The following PRKCZ variants were observed in gnomAD, a reference collection of about 807,000 sequenced individuals.
PRKCZ encodes the protein protein kinase C zeta type.
PRKCZ carries 33 observed loss-of-function variants against 79.5 expected under a neutral mutation model. The observed-to-expected ratio is 0.41, with a 90% CI of 0.31 to 0.55. PRKCZ has a LOEUF of 0.55. PRKCZ is among the 20% of genes least tolerant of loss of function. The probability of loss-of-function intolerance (pLI) is 0.19; values close to 1 mark genes in which losing one functional copy is unlikely to be tolerated. For synonymous variants in PRKCZ, 342 were observed against 320.9 expected, an observed-to-expected ratio of 1.07 and a Z score of -0.70; for missense variants, 578 against 813.5, an observed-to-expected ratio of 0.71 and a Z score of 3.52.
chr1:2,125,209 A>G lies in PRKCZ; in HGVS notation c.335-10053A>G, dbSNP rs1389084480. ...AATCCAGAAAAAAAATTTCTTACAT[A>G]GAAAGGAGCGGTATTTGGTATGAAT... On this transcript the variant is annotated intron_variant, in intron 4 of 17. Coordinates refer to ENST00000378567, the MANE Select transcript of PRKCZ (RefSeq NM_002744.6). This position sits in a 1 kb window ranked among gnomAD's most constrained non-coding sequence, Gnocchi z 4.2. Among the ~76,000 whole-genome samples, 1 of 152,336 alleles carries G rather than the reference A, an allele frequency of 6.6e-6. No homozygotes were observed. Among genetic ancestry groups the G allele is most frequent in the East Asian group, 1.9e-4 (1 of 5,186 alleles).
chr1:2,077,484 GTGTA>G (rs1662660493), intron 4 of PRKCZ, among the ~76,000 whole-genome samples: 1 of 152,220 alleles, frequency 6.6e-6, no homozygotes, highest in African/African-American at 2.4e-5. Flanking sequence ...GCTGTGTCAA[GTGTA>G]GACAGGCCAG....
chr1:2,071,369 G>A (rs1403500671), intron 4 of PRKCZ: 1 of 459,534 alleles, frequency 2.2e-6, no homozygotes, highest in Admixed American at 2.3e-5. Flanking sequence ...GAGAGGAGGC[G>A]GCCAAACCTA....
Position 2,173,101 on chromosome 1 carries a change from C to T in PRKCZ, c.1285+713C>T, listed in dbSNP as rs1299814218. Among the ~76,000 whole-genome samples, 1 of 149,718 alleles carries T rather than the reference C, an allele frequency of 6.7e-6. No homozygotes were observed. Among genetic ancestry groups the T allele is most frequent in the Admixed American group, 6.7e-5 (1 of 14,960 alleles). On this transcript the variant is annotated intron_variant, in intron 13 of 17. Coordinates refer to ENST00000378567, the MANE Select transcript of PRKCZ (RefSeq NM_002744.6). The surrounding 1 kb of genome is among the most constrained non-coding windows in gnomAD (Gnocchi z 5.7). ...ATACTGTGTTTGTACACACTCCACC[C>T]ACTTCTGCATCCTGGTGTTTTCAAT...
Position 2,167,109 on chromosome 1 carries a change from C to CA in PRKCZ, c.975-2402dup, listed in dbSNP as rs563361518. On this transcript the variant is annotated intron_variant, in intron 10 of 17. Coordinates refer to ENST00000378567, the MANE Select transcript of PRKCZ (RefSeq NM_002744.6). The stretch of plus-strand genomic sequence containing the variant: ...AGTAGCATTAAGGTTTTTCTGTAGA[C>CA]AAAAAAACCCCACCATCATTGCAGC... Among the ~76,000 whole-genome samples, 8 of 152,230 alleles carry CA rather than the reference C, an allele frequency of 5.3e-5. No homozygotes were observed. In the East Asian group the frequency reaches 1.2e-3, roughly 22 times the overall value.
rs1685906862 is a variant in PRKCZ, at chr1:2,178,439, G to C, written c.1575+3126G>C. Among the ~76,000 whole-genome samples the C allele has an allele frequency of 6.6e-6, 1 of 152,252 alleles. No homozygotes were observed. Among genetic ancestry groups the C allele is most frequent in the African/African-American group, 2.4e-5 (1 of 41,466 alleles). On this transcript the variant is annotated intron_variant, in intron 16 of 17. Transcript: ENST00000378567. This position sits in a 1 kb window ranked among gnomAD's most constrained non-coding sequence, Gnocchi z 4.3. ...TGCACCTCTGCATCCGTCCTCAGTG[G>C]ACATAGGGTGGCCTCCACTTTCTGG...
At chr1:2,057,086 C>A (rs1305475325) in intron 3 of PRKCZ, among the ~76,000 whole-genome samples, 1 of 152,206 alleles carries the variant, frequency 6.6e-6, no homozygotes, top group African/African-American at 2.4e-5. Context: ...AACCCGTAAA[C>A]CACTCAGAGG....
intron 7 of PRKCZ, among the ~76,000 whole-genome samples, chr1:2,148,614 G>A (rs1042484951): frequency 3.3e-5 from 5 of 152,184 alleles, no homozygotes; most frequent in Admixed American, 2.0e-4. Flanking sequence ...ATCCGGTGAC[G>A]AATTATTTGC....
In PRKCZ at chr1:2,087,145, C is replaced by T. The variant is rs1001686249; in HGVS notation, c.334+27554C>T. Among the ~76,000 whole-genome samples, 7 of 151,988 alleles carry T rather than the reference C, an allele frequency of 4.6e-5. 1 individual carries two copies. The South Asian group carries it at 8.3e-4, about 18-fold the overall frequency. ...TCACCCAGGCTGGAGTGCAGTGGCG[C>T]GATCTCAGCTCACTGTAACCACTGC... is the stretch of plus-strand genomic sequence containing the variant. On this transcript the variant is annotated intron_variant, in intron 4 of 17. Transcript: ENST00000378567.
At chr1:2,131,089 T>G (rs1674865420) in intron 4 of PRKCZ, among the ~76,000 whole-genome samples, 1 of 152,180 alleles carries the variant, frequency 6.6e-6, no homozygotes, top group Admixed American at 6.5e-5. Context: ...GGGCGTGGCC[T>G]CGCCTCTGTG....
chr1:2,147,253 C>G (rs749144970), intron 7 of PRKCZ, among the ~76,000 whole-genome samples: 1 of 152,050 alleles, frequency 6.6e-6, no homozygotes, highest in Admixed American at 6.5e-5. Flanking sequence ...ACGTCTCCAT[C>G]TATCCATCTG....
chr1:2,169,100 C>A (rs1317499233), intron 10 of PRKCZ: 2 of 455,582 alleles, frequency 4.4e-6, no homozygotes, highest in South Asian at 3.1e-5. Flanking sequence ...CTTGAGGCCA[C>A]CCCACCCGTG....
chr1:2,111,902 C>CG (rs1557589544), intron 4 of PRKCZ: 1 of 152,226 alleles, frequency 6.6e-6, no homozygotes, highest in Non-Finnish European at 1.5e-5. Flanking sequence ...GTGGGAGAGA[C>CG]GGGTGTCGGG....
chr1:2,100,688 C>T (rs1667290672), intron 4 of PRKCZ, among the ~76,000 whole-genome samples: 1 of 151,326 alleles, frequency 6.6e-6, no homozygotes, highest in Non-Finnish European at 1.5e-5. Context: ...GTGCAGTGAA[C>T]AGCAGTGGTC....
At chr1:2,063,176 A>G (rs1660841844) in intron 4 of PRKCZ, among the ~76,000 whole-genome samples, 1 of 152,204 alleles carries the variant, frequency 6.6e-6, no homozygotes, top group African/African-American at 2.4e-5. Flanking sequence ...GTCAGTGGAC[A>G]CACGGGTGAC....
chr1:2,136,913 C>T (rs1676309343), intron 5 of PRKCZ, among the ~76,000 whole-genome samples: 2 of 152,158 alleles, frequency 1.3e-5, no homozygotes, highest in Non-Finnish European at 2.9e-5. Context: ...AGTCAGGGTT[C>T]TCCAGAGGGA....
intron 4 of PRKCZ, among the ~76,000 whole-genome samples, chr1:2,096,645 C>G (rs1485255159): frequency 6.6e-6 from 1 of 152,178 alleles, no homozygotes; most frequent in Non-Finnish European, 1.5e-5. Flanking sequence ...GTGGTCATCA[C>G]TGCCATGGTC....
chr1:2,140,412 G>T (rs551614375), intron 5 of PRKCZ, among the ~76,000 whole-genome samples: 1 of 152,324 alleles, frequency 6.6e-6, no homozygotes, highest in South Asian at 2.1e-4. Flanking sequence ...CAGCACTTTG[G>T]GAGGCCGAGG....
intron 10 of PRKCZ, among the ~76,000 whole-genome samples, chr1:2,157,185 G>A (rs761168456): frequency 8.5e-5 from 13 of 152,152 alleles, no homozygotes; most frequent in African/African-American, 2.2e-4. Context: ...TTCTCTTCAC[G>A]TCCCCAGGGG....
At chr1:2,102,445 G>T (rs1434139935) in intron 4 of PRKCZ, among the ~76,000 whole-genome samples, 1 of 151,596 alleles carries the variant, frequency 6.6e-6, no homozygotes, top group East Asian at 1.9e-4. Context: ...CCATTCTCCT[G>T]CCTCAGCCTC....
Sources: gnomAD v4.1 joint callset for allele counts (sites outside exome capture counted in the v4.1 genomes callset) on GRCh38, gnomAD v4.1.1 for gene constraint, Gnocchi (gnomAD v3.1) non-coding constraint, MANE v1.5 for transcripts, NCBI Gene and HGNC (gene_info 2026-07-23, HGNC 2026-07-21) for gene names.